Variants in PDE10A observed in about 807,000 individuals in gnomAD.
The protein encoded by PDE10A is phosphodiesterase 10A.
Under a neutral mutation model 97.7 loss-of-function variants are expected in PDE10A, and 39 were observed. The ratio of observed to expected loss-of-function variants is 0.40; its 90% CI spans 0.31 to 0.52. The LOEUF (loss-of-function observed/expected upper bound fraction) is 0.52, where lower values mean the gene tolerates loss of function less well. Ranked by LOEUF, PDE10A falls within the 20% of genes least tolerant of loss-of-function variation. The pLI is 0.56. For synonymous variants in PDE10A, 371 were observed against 376.8 expected (o/e 0.98, Z 0.18); for missense variants, 731 against 1,047.8 (o/e 0.70, Z 4.17).
intron 1 of PDE10A, among the ~76,000 whole-genome samples, chr6:165,874,179 T>C (rs1010325973): frequency 6.6e-6 from 1 of 152,226 alleles, no homozygotes; most frequent in Non-Finnish European, 1.5e-5. Context: ...ACAGCTCACG[T>C]GCAGATCTCA....
At chr6:165,472,660 G>A (rs1385497241) in intron 3 of PDE10A, among the ~76,000 whole-genome samples, 2 of 152,150 alleles carry the variant, frequency 1.3e-5, no homozygotes, top group African/African-American at 4.8e-5. Context: ...AGATTAGAAT[G>A]TCAAATTAGG....
At chr6:165,927,475 T>C (rs1048487547) in intron 1 of PDE10A, among the ~76,000 whole-genome samples, 12 of 151,876 alleles carry the variant, frequency 7.9e-5, no homozygotes, top group African/African-American at 2.9e-4. Flanking sequence ...GAACATGATT[T>C]ATGGAAATAA....
chr6:165,699,254 C>A (rs1324374555), intron 1 of PDE10A, among the ~76,000 whole-genome samples: 3 of 152,050 alleles, frequency 2.0e-5, no homozygotes, highest in Non-Finnish European at 4.4e-5. Context: ...AAAGAGGGGG[C>A]ATTTTATAAT....
rs1562327887 is a variant in PDE10A, at chr6:165,958,758, A to AAAGAAAGAAAGG, written c.-615+28770_-615+28771insCCTTTCTTTCTT. On this transcript the variant is annotated intron_variant, in intron 1 of 19. Transcript: ENST00000366882. ...AAGAAAGAAAGAAAGAGAAAGAAAG[A>AAAGAAAGAAAGG]AAGAAAGAAGAAAGCAAGCCAGCCA... Among the ~76,000 whole-genome samples the AAAGAAAGAAAGG allele has an allele frequency of 2.9e-5, 4 of 140,164 alleles. 1 individual carries two copies. The East Asian group carries it at 9.4e-4, about 33-fold the overall frequency. 92.0% of individuals were successfully genotyped at this position (140,164 alleles called of 152,430 possible).
At chr6:165,808,402 G>A (rs559067462) in intron 1 of PDE10A, among the ~76,000 whole-genome samples, 96 of 152,314 alleles carry the variant, frequency 6.3e-4, no homozygotes, top group Non-Finnish European at 1.1e-3. Flanking sequence ...GGGTGATGTC[G>A]CAGGAGGAGT....
intron 1 of PDE10A, among the ~76,000 whole-genome samples, chr6:165,688,796 TCTC>T (rs1791192992): frequency 1.3e-5 from 2 of 152,150 alleles, no homozygotes; most frequent in South Asian, 2.1e-4. Flanking sequence ...AATAGCCCTC[TCTC>T]CTCCTCCTCC....
At chr6:165,534,116 C>G (rs1782940238) in intron 2 of PDE10A, among the ~76,000 whole-genome samples, 1 of 151,856 alleles carries the variant, frequency 6.6e-6, no homozygotes, top group Non-Finnish European at 1.5e-5. Context: ...GACATTTTAA[C>G]AGATACCACA....
intron 1 of PDE10A, among the ~76,000 whole-genome samples, chr6:165,717,154 G>A (rs1042502022): frequency 6.6e-6 from 1 of 152,184 alleles, no homozygotes; most frequent in African/African-American, 2.4e-5. Flanking sequence ...CATCCATGTT[G>A]TAGCCTGTGT....
intron 1 of PDE10A, chr6:165,576,528 T>C: frequency 2.7e-6 from 2 of 743,310 alleles, no homozygotes; most frequent in Non-Finnish European, 5.0e-6. Flanking sequence ...TCTATATCTA[T>C]ACCATTAGCT....
At chr6:165,515,323 T>G (rs1364339620) in intron 2 of PDE10A, among the ~76,000 whole-genome samples, 2 of 152,148 alleles carry the variant, frequency 1.3e-5, no homozygotes, top group East Asian at 1.9e-4. Flanking sequence ...TTTGCTATAT[T>G]TAATTATACC....
At chr6:165,383,339 A>G (rs369383560) in intron 17 of PDE10A, among the ~76,000 whole-genome samples, 2 of 152,342 alleles carry the variant, frequency 1.3e-5, no homozygotes, top group African/African-American at 4.8e-5. Context: ...TTGATTTAAT[A>G]TTCCAGCAAT....
chr6:165,812,450 T>C (rs2323030), intron 1 of PDE10A, among the ~76,000 whole-genome samples: 17,518 of 152,056 alleles, frequency 0.12, 1,427 homozygotes, highest in East Asian at 0.42. Context: ...AAAAGTGTCC[T>C]CTCATTAAGT....
At chr6:165,747,065 A>G (rs985641024) in intron 1 of PDE10A, among the ~76,000 whole-genome samples, 2 of 152,214 alleles carry the variant, frequency 1.3e-5, no homozygotes, top group Admixed American at 1.3e-4. Flanking sequence ...AGACTATGCT[A>G]TATCTTAGTT....
At chr6:165,622,247 T>G (rs1459312122) in intron 1 of PDE10A, among the ~76,000 whole-genome samples, 1 of 151,542 alleles carries the variant, frequency 6.6e-6, no homozygotes, top group Non-Finnish European at 1.5e-5. Context: ...GCAACCTCTC[T>G]CTGTCTCTGT....
chr6:165,731,654 GTTC>G (rs1426956087), intron 1 of PDE10A, among the ~76,000 whole-genome samples: 2 of 152,158 alleles, frequency 1.3e-5, no homozygotes, highest in African/African-American at 4.8e-5. Flanking sequence ...GTACTTCTGG[GTTC>G]TTATTTGCAG....
At chr6:165,649,614 T>C (rs1789575666) in intron 1 of PDE10A, among the ~76,000 whole-genome samples, 2 of 152,222 alleles carry the variant, frequency 1.3e-5, no homozygotes, top group South Asian at 4.1e-4. Context: ...CCTGCAAAGC[T>C]GCTGAGGAAG....
intron 1 of PDE10A, among the ~76,000 whole-genome samples, chr6:165,942,350 A>C (rs1347937401): frequency 6.6e-6 from 1 of 151,988 alleles, no homozygotes; most frequent in Non-Finnish European, 1.5e-5. Flanking sequence ...TCACAAAATA[A>C]AGACTCCCTG....
At chr6:165,338,072 CA>C (rs1223262201) in intron 20 of PDE10A, among the ~76,000 whole-genome samples, 2 of 152,168 alleles carry the variant, frequency 1.3e-5, no homozygotes, top group Admixed American at 6.5e-5. Context: ...TAAAATGCGA[CA>C]AAAACTTCAA....
chr6:165,777,734 C>T (rs1477480441), intron 1 of PDE10A, among the ~76,000 whole-genome samples: 11 of 152,106 alleles, frequency 7.2e-5, no homozygotes, highest in Non-Finnish European at 1.5e-5. Context: ...TTAAAACATA[C>T]AAAACAATCT....
Sources: allele counts gnomAD v4.1 joint callset (sites outside exome capture counted in the v4.1 genomes callset), GRCh38; gene constraint gnomAD v4.1.1; transcripts MANE v1.5; gene names NCBI Gene and HGNC (gene_info 2026-07-23, HGNC 2026-07-21).